Variants in SGCZ observed in about 807,000 individuals in gnomAD.
SGCZ encodes the protein sarcoglycan zeta.
SGCZ carries 40 observed loss-of-function variants against 41.3 expected under a neutral mutation model. That is an observed-to-expected ratio of 0.97 (90% CI 0.75 to 1.26). SGCZ has a LOEUF of 1.26. SGCZ is among the 50% of genes most tolerant of loss of function. The pLI is 0.00. For synonymous variants in SGCZ, 206 were observed against 137.5 expected (o/e 1.50, Z -3.49); for missense variants, 552 against 369.8 (o/e 1.49, Z -4.04).
intron 1 of SGCZ, among the ~76,000 whole-genome samples, chr8:15,166,729 G>T (rs1030436242): frequency 6.6e-6 from 1 of 152,142 alleles, no homozygotes; most frequent in Non-Finnish European, 1.5e-5. Context: ...GTTTCTAACT[G>T]CAACTACCCT....
At chr8:15,137,696 A>G (rs1401001958) in intron 1 of SGCZ, among the ~76,000 whole-genome samples, 1 of 152,208 alleles carries the variant, frequency 6.6e-6, no homozygotes, top group East Asian at 1.9e-4. Context: ...AGCTACACAG[A>G]AGTCAAGAAG....
intron 1 of SGCZ, among the ~76,000 whole-genome samples, chr8:15,146,576 G>A (rs1221352164): frequency 6.6e-6 from 1 of 152,160 alleles, no homozygotes; most frequent in African/African-American, 2.4e-5. Context: ...AATAGTTTCA[G>A]TAGTGTATTC....
At chr8:14,498,608 T>G (rs1802060031) in intron 2 of SGCZ, among the ~76,000 whole-genome samples, 1 of 152,094 alleles carries the variant, frequency 6.6e-6, no homozygotes, top group Non-Finnish European at 1.5e-5. Context: ...ATTCACTTAT[T>G]CCTTATTTCC....
intron 1 of SGCZ, among the ~76,000 whole-genome samples, chr8:14,646,726 A>G (rs6981967): frequency 6.6e-6 from 1 of 151,834 alleles, no homozygotes; most frequent in Admixed American, 6.6e-5. Context: ...TAGAAATATT[A>G]AAAAAATGAC....
intron 2 of SGCZ, among the ~76,000 whole-genome samples, chr8:14,382,942 G>A (rs1804424419): frequency 6.6e-6 from 1 of 152,114 alleles, no homozygotes; most frequent in Non-Finnish European, 1.5e-5. Context: ...TCTTCTCTTA[G>A]AATCACTTCT....
intron 2 of SGCZ, among the ~76,000 whole-genome samples, chr8:14,532,511 G>A (rs1369580926): frequency 1.3e-5 from 2 of 151,942 alleles, no homozygotes; most frequent in Admixed American, 6.6e-5. Context: ...AGAAGAATAA[G>A]CGAATAAGCA....
At chr8:14,759,579 A>C (rs974992587) in intron 1 of SGCZ, among the ~76,000 whole-genome samples, 7 of 152,146 alleles carry the variant, frequency 4.6e-5, no homozygotes, top group Non-Finnish European at 5.9e-5. Context: ...TTGGTTAGAT[A>C]CGCTATTAAG....
chr8:14,200,414 AAAG>A (rs1805415801), intron 4 of SGCZ, among the ~76,000 whole-genome samples: 2 of 152,300 alleles, frequency 1.3e-5, no homozygotes, highest in Admixed American at 6.5e-5. Flanking sequence ...TTATTTTTAT[AAAG>A]AAGAACATTG....
intron 1 of SGCZ, among the ~76,000 whole-genome samples, chr8:15,171,428 A>G (rs1251486231): frequency 6.6e-6 from 1 of 152,204 alleles, no homozygotes; most frequent in Non-Finnish European, 1.5e-5. Flanking sequence ...TATCAGGCAC[A>G]GGAAATAATA....
chr8:14,969,184 C>A (rs1801215453), intron 1 of SGCZ, among the ~76,000 whole-genome samples: 1 of 152,080 alleles, frequency 6.6e-6, no homozygotes, highest in Non-Finnish European at 1.5e-5. Flanking sequence ...GGCTTAAAAT[C>A]CAATATGTCA....
At chr8:14,543,816 T>A (rs919705125) in intron 2 of SGCZ, among the ~76,000 whole-genome samples, 1 of 152,164 alleles carries the variant, frequency 6.6e-6, no homozygotes, top group Non-Finnish European at 1.5e-5. Context: ...TAATATAGCA[T>A]TTTCGGACTG....
At position 14,970,409 on chromosome 8, in the gene SGCZ, G is replaced by A. The variant is rs1801252700; in HGVS notation, c.39+267176C>T. Among the ~76,000 whole-genome samples, 3 of 152,202 alleles carry A rather than the reference G, an allele frequency of 2.0e-5. No individual in the cohort carries two copies. In the South Asian group the frequency reaches 6.2e-4, roughly 32 times the overall value. On this transcript the variant is annotated intron_variant, in intron 1 of 7. Transcript: ENST00000382080. ...CAAATATTTGCCTAACTAAGGCACAGAAGTTTTTTTCCTTATGTTTCCTTC... is the reference window on the plus strand; with the variant it reads ...CAAATATTTGCCTAACTAAGGCACAAAAGTTTTTTTCCTTATGTTTCCTTC...
At chr8:14,553,695 G>A (rs11778964) in intron 2 of SGCZ, among the ~76,000 whole-genome samples, 19,063 of 151,984 alleles carry the variant, frequency 0.13, 1,553 homozygotes, top group South Asian at 0.19. Context: ...TTTTGATATT[G>A]TGTTTCCGAG....
At chr8:15,040,607 G>C (rs995370954) in intron 1 of SGCZ, among the ~76,000 whole-genome samples, 2 of 152,070 alleles carry the variant, frequency 1.3e-5, no homozygotes, top group African/African-American at 4.8e-5. Context: ...GGCAACAAGA[G>C]CAAAACTCTA....
At chr8:14,799,099 A>T (rs1801230251) in intron 1 of SGCZ, among the ~76,000 whole-genome samples, 1 of 151,974 alleles carries the variant, frequency 6.6e-6, no homozygotes, top group African/African-American at 2.4e-5. Flanking sequence ...TTAATTTTTT[A>T]ACTGTACTTT....
chr8:15,003,289 G>A lies in SGCZ; in HGVS notation c.39+234296C>T, dbSNP rs73519100. Among the ~76,000 whole-genome samples the A allele has an allele frequency of 2.5e-3, 382 of 152,226 alleles. 3 individuals carry two copies. Among genetic ancestry groups the A allele is most frequent in the African/African-American group, 8.6e-3 (358 of 41,550 alleles). On this transcript the variant is annotated intron_variant, in intron 1 of 7. Coordinates refer to ENST00000382080, the MANE Select transcript of SGCZ (RefSeq NM_139167.4). ...GCAGAGAGGGTTGCTGAAATAGAAT[G>A]AGAACTGAGTGGAACTGTGAGTCAA... is the stretch of plus-strand genomic sequence containing the variant.
intron 1 of SGCZ, among the ~76,000 whole-genome samples, chr8:15,011,446 A>G (rs965549554): frequency 1.3e-5 from 2 of 152,238 alleles, no homozygotes; most frequent in Non-Finnish European, 2.9e-5. Context: ...TAAATAAATC[A>G]GTAAATTAGA....
chr8:14,480,995 A>C (rs566333366), intron 2 of SGCZ, among the ~76,000 whole-genome samples: 1 of 152,068 alleles, frequency 6.6e-6, no homozygotes. Context: ...TTCACAGTTT[A>C]TATTTATCAA....
chr8:15,030,944 G>A (rs1803637583), intron 1 of SGCZ, among the ~76,000 whole-genome samples: 1 of 152,118 alleles, frequency 6.6e-6, no homozygotes, highest in Admixed American at 6.5e-5. Context: ...GATGCAGGAG[G>A]CCACACCAAT....
Sources: allele counts gnomAD v4.1 joint callset (sites outside exome capture counted in the v4.1 genomes callset), GRCh38; gene constraint gnomAD v4.1.1; transcripts MANE v1.5; gene names NCBI Gene and HGNC (gene_info 2026-07-23, HGNC 2026-07-21).